OSBPL10: variants seen among roughly 807,000 people sequenced by gnomAD.
OSBPL10 encodes oxysterol-binding protein-related protein 10.
A neutral mutation model predicts 81.7 loss-of-function variants in OSBPL10; 49 were observed. The observed-to-expected ratio is 0.60, with a 90% confidence interval of 0.48 to 0.76. The LOEUF (loss-of-function observed/expected upper bound fraction) is 0.76. Ranked by LOEUF, OSBPL10 falls within the 30% of genes least tolerant of loss-of-function variation. OSBPL10 has a pLI of 0.00. For missense variants in OSBPL10, 923 were observed against 987.8 expected (o/e 0.93, Z 0.88); for synonymous variants, 419 against 383.6 (o/e 1.09, Z -1.08).
intron 1 of OSBPL10, among the ~76,000 whole-genome samples, chr3:31,890,697 T>C (rs1695869330): frequency 6.6e-6 from 1 of 152,198 alleles, no homozygotes; most frequent in African/African-American, 2.4e-5. Context: ...CTGAGACCTG[T>C]CTTATGAGAA....
chr3:31,848,230 A>AC, intron 3 of OSBPL10, among the ~76,000 whole-genome samples: 1 of 151,454 alleles, frequency 6.6e-6, no homozygotes, highest in African/African-American at 2.4e-5. Flanking sequence ...TCTTAAGTTT[A>AC]CCTCTTGGTG....
chr3:32,028,420 A>G (rs1699436090), intron 2 of OSBPL10, among the ~76,000 whole-genome samples: 1 of 152,224 alleles, frequency 6.6e-6, no homozygotes, highest in Admixed American at 6.5e-5. Context: ...TGCTTAAACC[A>G]AAGACCAGAA....
At chr3:31,746,335 G>A (rs1373440889) in intron 5 of OSBPL10, among the ~76,000 whole-genome samples, 1 of 152,046 alleles carries the variant, frequency 6.6e-6, no homozygotes, top group African/African-American at 2.4e-5. Flanking sequence ...AGAGTCGCTG[G>A]GTATAATGTG....
intron 1 of OSBPL10, among the ~76,000 whole-genome samples, chr3:32,072,838 C>A (rs1182440093): frequency 2.0e-5 from 3 of 152,130 alleles, no homozygotes; most frequent in African/African-American, 7.2e-5. Context: ...TCTGAGAAGG[C>A]CACCGCGGTC....
intron 3 of OSBPL10, among the ~76,000 whole-genome samples, chr3:31,873,506 G>A (rs987009980): frequency 2.0e-5 from 3 of 152,130 alleles, no homozygotes; most frequent in African/African-American, 7.2e-5. Context: ...TGGCTATCCT[G>A]TAGTTCTTAC....
intron 1 of OSBPL10, among the ~76,000 whole-genome samples, chr3:31,916,243 T>G (rs1696755131): frequency 6.6e-6 from 1 of 152,360 alleles, no homozygotes; most frequent in Admixed American, 6.5e-5. Context: ...GATACTGGCT[T>G]CTACATTCTA....
intron 2 of OSBPL10, among the ~76,000 whole-genome samples, chr3:32,016,498 C>T (rs574233257): frequency 5.3e-5 from 8 of 152,114 alleles, no homozygotes; most frequent in African/African-American, 1.2e-4. Flanking sequence ...CTAATGTAAA[C>T]GACAAGTTAA....
intron 3 of OSBPL10, among the ~76,000 whole-genome samples, chr3:31,836,687 C>T (rs1012173647): frequency 6.6e-6 from 1 of 152,112 alleles, no homozygotes; most frequent in African/African-American, 2.4e-5. Flanking sequence ...ACCCCCTTAT[C>T]GCACACCACC....
intron 1 of OSBPL10, among the ~76,000 whole-genome samples, chr3:31,931,280 CT>C (rs1317421253): frequency 6.6e-6 from 1 of 152,098 alleles, no homozygotes; most frequent in East Asian, 1.9e-4. Flanking sequence ...ATTTGAAACA[CT>C]CCCCACTCTC....
At chr3:31,909,530 G>GAGA (rs1696512971) in intron 1 of OSBPL10, among the ~76,000 whole-genome samples, 2 of 151,896 alleles carry the variant, frequency 1.3e-5, no homozygotes, top group African/African-American at 4.8e-5. Context: ...GAAAGGGGGA[G>GAGA]AGAAGGAACT....
intron 2 of OSBPL10, among the ~76,000 whole-genome samples, chr3:32,020,618 G>A (rs1699353833): frequency 6.6e-6 from 1 of 151,794 alleles, no homozygotes; most frequent in South Asian, 2.1e-4. Flanking sequence ...CTTTGTGATG[G>A]ACATAAAAGA....
chr3:31,713,296 A>C (rs556513379), intron 6 of OSBPL10, among the ~76,000 whole-genome samples: 47 of 152,210 alleles, frequency 3.1e-4, no homozygotes, highest in African/African-American at 9.9e-4. Flanking sequence ...TGGAACACGC[A>C]AAGGACAGGC....
At chr3:31,962,221 T>C (rs1698188010) in intron 1 of OSBPL10, among the ~76,000 whole-genome samples, 1 of 152,200 alleles carries the variant, frequency 6.6e-6, no homozygotes, top group South Asian at 2.1e-4. Flanking sequence ...CCTCCCAAAA[T>C]GCTGGGATTA....
intron 5 of OSBPL10, among the ~76,000 whole-genome samples, chr3:31,747,050 T>C (rs893800952): frequency 6.6e-6 from 1 of 151,860 alleles, no homozygotes. Flanking sequence ...AAATAAGAAG[T>C]GGGGCCAGGC....
chr3:31,786,953 G>T (rs1698875829), intron 4 of OSBPL10, among the ~76,000 whole-genome samples: 1 of 152,128 alleles, frequency 6.6e-6, no homozygotes, highest in Non-Finnish European at 1.5e-5. Context: ...GCAATTTCAG[G>T]CAAATGATTT....
At chr3:32,059,187 T>C (rs961043580) in intron 1 of OSBPL10, among the ~76,000 whole-genome samples, 2 of 152,046 alleles carry the variant, frequency 1.3e-5, no homozygotes, top group African/African-American at 4.8e-5. Flanking sequence ...TCCCAGCTAC[T>C]TGGCAGGCTG....
At position 31,671,093 on chromosome 3, in the gene OSBPL10, T is replaced by C. The variant is rs114059213; in HGVS notation, c.1727-110A>G. The C allele has an allele frequency of 1.4e-3, 1,455 of 1,045,450 alleles. 13 individuals carry two copies. The African/African-American group carries it at 0.021, about 15-fold the overall frequency. The allele number at this position is 1,045,450 out of a possible 1,614,324, so 64.8% of individuals were successfully genotyped here. ...AAGAGCCTCCTGCACAGATGTCACA[T>C]CTCCCACCTCTGCAGAGGTGAGCTG... On this transcript the variant is annotated intron_variant, in intron 8 of 11. Coordinates refer to ENST00000396556, the MANE Select transcript of OSBPL10 (RefSeq NM_017784.5).
At chr3:31,837,799 C>T (rs1384066177) in intron 3 of OSBPL10, among the ~76,000 whole-genome samples, 2 of 150,428 alleles carry the variant, frequency 1.3e-5, no homozygotes, top group Admixed American at 6.6e-5. Context: ...CTATGATGTA[C>T]AAGTATTAAC....
intron 7 of OSBPL10, among the ~76,000 whole-genome samples, chr3:31,693,421 G>A (rs1246437635): frequency 2.6e-5 from 4 of 152,182 alleles, no homozygotes; most frequent in African/African-American, 9.7e-5. Context: ...AAGAGACAAC[G>A]TGGCCAACCA....
Sources: allele counts gnomAD v4.1 joint callset (sites outside exome capture counted in the v4.1 genomes callset), GRCh38; gene constraint gnomAD v4.1.1; transcripts MANE v1.5; gene names NCBI Gene and HGNC (gene_info 2026-07-23, HGNC 2026-07-21).